Variants in NEK10 observed in about 807,000 individuals in gnomAD.
The protein encoded by NEK10 is serine/threonine-protein kinase Nek10.
NEK10 carries 122 observed loss-of-function variants against 159.8 expected under a neutral mutation model. The observed-to-expected ratio is 0.76, with a 90% CI of 0.66 to 0.89. NEK10 has a LOEUF of 0.89. Among genes scored for constraint, NEK10 ranks in the 40% least tolerant of loss-of-function variants. The pLI, the probability that NEK10 is intolerant of heterozygous loss-of-function variation, is 0.00. For missense variants in NEK10, 1,342 were observed against 1,323.1 expected, an observed-to-expected ratio of 1.01 and a Z score of -0.22; for synonymous variants, 466 against 457.1, an observed-to-expected ratio of 1.02 and a Z score of -0.25.
chr3:27,361,329 T>C (rs550612992), intron 1 of NEK10, among the ~76,000 whole-genome samples: 5 of 152,336 alleles, frequency 3.3e-5, no homozygotes, highest in African/African-American at 7.2e-5. Context: ...TGGTTTACAA[T>C]GTGCCTGTGT....
chr3:27,314,437 T>C (rs997686818), intron 6 of NEK10, 99 bp from the exon 7 acceptor site: 2 of 760,532 alleles, frequency 2.6e-6, no homozygotes, highest in African/African-American at 3.5e-5. Context: ...ATATTTATAA[T>C]TATATTGTGA....
intron 30 of NEK10, among the ~76,000 whole-genome samples, chr3:27,144,253 C>T (rs941521458): frequency 6.6e-6 from 1 of 152,160 alleles, no homozygotes; most frequent in African/African-American, 2.4e-5. Flanking sequence ...GCAGTTCTAG[C>T]CCATTCTCTG....
chr3:27,221,858 T>A (rs996253472), intron 23 of NEK10, among the ~76,000 whole-genome samples: 3 of 152,092 alleles, frequency 2.0e-5, no homozygotes, highest in African/African-American at 7.2e-5. Flanking sequence ...TTTTCAGGAG[T>A]CCCAGTTGAG....
chr3:27,205,479 A>G (rs868611134), intron 23 of NEK10, among the ~76,000 whole-genome samples: 38 of 104,042 alleles, frequency 3.7e-4, no homozygotes, highest in South Asian at 1.5e-3. Flanking sequence ...TACAGTAACC[A>G]AAACAGCATG....
chr3:27,140,323 A>G (rs1332548914), intron 31 of NEK10, among the ~76,000 whole-genome samples: 2 of 152,142 alleles, frequency 1.3e-5, no homozygotes, highest in African/African-American at 4.8e-5. Flanking sequence ...GAAAGCTGGG[A>G]CCCCTTGAGG....
At chr3:27,307,521 T>C (rs936315734) in intron 11 of NEK10, among the ~76,000 whole-genome samples, 3 of 152,290 alleles carry the variant, frequency 2.0e-5, no homozygotes, top group South Asian at 4.1e-4. Context: ...TATTGTAATA[T>C]ACAATTTGAA....
At chr3:27,367,637 T>C (rs2049192721) in intron 1 of NEK10, 1 of 152,246 alleles carries the variant, frequency 6.6e-6, no homozygotes, top group Admixed American at 6.5e-5. Context: ...AAGTATTTGT[T>C]GAACACCTGT....
At chr3:27,324,579 C>T (rs1315782141) in intron 5 of NEK10, among the ~76,000 whole-genome samples, 3 of 152,096 alleles carry the variant, frequency 2.0e-5, no homozygotes, top group African/African-American at 7.2e-5. Context: ...ACAACCTATC[C>T]ACTTCTCACT....
intron 30 of NEK10, among the ~76,000 whole-genome samples, chr3:27,142,847 A>G (rs1440246704): frequency 1.3e-5 from 2 of 152,228 alleles, no homozygotes; most frequent in African/African-American, 2.4e-5. Context: ...AGATATCTTT[A>G]CTGAGTTAGT....
At chr3:27,175,921 T>C (rs1947462770) in intron 26 of NEK10, among the ~76,000 whole-genome samples, 1 of 152,336 alleles carries the variant, frequency 6.6e-6, no homozygotes, top group East Asian at 1.9e-4. Context: ...AAGGCTCCAA[T>C]GATGCTCATT....
intron 22 of NEK10, among the ~76,000 whole-genome samples, chr3:27,265,158 C>A (rs2040785343): frequency 6.6e-6 from 1 of 152,100 alleles, no homozygotes; most frequent in Non-Finnish European, 1.5e-5. Flanking sequence ...CTGAGTGTTT[C>A]CCTTTTAAGT....
At chr3:27,299,455 C>A (rs1266436378) in intron 13 of NEK10, among the ~76,000 whole-genome samples, 1 of 152,184 alleles carries the variant, frequency 6.6e-6, no homozygotes, top group Non-Finnish European at 1.5e-5. Context: ...GCGGGGCTCT[C>A]ATGGAGAACA....
At chr3:27,192,756 T>A (rs927199979) in intron 25 of NEK10, among the ~76,000 whole-genome samples, 1 of 152,200 alleles carries the variant, frequency 6.6e-6, no homozygotes, top group African/African-American at 2.4e-5. Flanking sequence ...AAACTAGTTT[T>A]ATAAATTATA....
At chr3:27,249,681 C>G (rs547853196) in intron 23 of NEK10, among the ~76,000 whole-genome samples, 1 of 152,182 alleles carries the variant, frequency 6.6e-6, no homozygotes, top group South Asian at 2.1e-4. Context: ...CTGGGCCACT[C>G]TGTCTTTTGA....
intron 14 of NEK10, among the ~76,000 whole-genome samples, chr3:27,296,086 T>C (rs549777872): frequency 6.6e-6 from 1 of 152,290 alleles, no homozygotes; most frequent in African/African-American, 2.4e-5. Context: ...ATTCCAGTTA[T>C]TAATTTATGT....
At chr3:27,303,450 T>G (rs2043988358) in intron 12 of NEK10, among the ~76,000 whole-genome samples, 1 of 152,184 alleles carries the variant, frequency 6.6e-6, no homozygotes, top group Admixed American at 6.5e-5. Context: ...ACCACCATGA[T>G]CATCATTACC....
chr3:27,266,053 C>A (rs2040865985), intron 22 of NEK10, among the ~76,000 whole-genome samples: 1 of 152,288 alleles, frequency 6.6e-6, no homozygotes, highest in Middle Eastern at 3.4e-3. Flanking sequence ...GATCCACCTG[C>A]CTCGGCCTCC....
Position 27,202,563 on chromosome 3 carries a change from G to A in NEK10, c.2091-6C>T, listed in dbSNP as rs1336495981. ...CACTCTTCAGTACCTCGGGGCTGAA[G>A]TAAAATAAGGACATTAATACATGCT... On this transcript the variant is annotated splice_polypyrimidine_tract_variant and splice_region_variant and intron_variant, in intron 23 of 35. Transcript: ENST00000691995. The A allele has an allele frequency of 1.3e-6, 2 of 1,595,062 alleles. No homozygotes were observed. The highest frequency in any genetic ancestry group is 1.3e-5 in the African/African-American group (1 of 74,546).
intron 30 of NEK10, among the ~76,000 whole-genome samples, chr3:27,157,616 A>G (rs1331993183): frequency 6.6e-6 from 1 of 152,206 alleles, no homozygotes; most frequent in African/African-American, 2.4e-5. Flanking sequence ...AACATTGTTG[A>G]AATGGCAACA....
Sources: allele counts gnomAD v4.1 joint callset (sites outside exome capture counted in the v4.1 genomes callset), GRCh38; gene constraint gnomAD v4.1.1; transcripts MANE v1.5; gene names NCBI Gene and HGNC (gene_info 2026-07-23, HGNC 2026-07-21).